The following HIVEP1 variants were observed in gnomAD, a reference collection of about 807,000 sequenced individuals.
HIVEP1 encodes zinc finger protein 40.
Under a neutral mutation model 180.0 loss-of-function variants are expected in HIVEP1, and 36 were observed. That is an observed-to-expected ratio of 0.20 (90% CI 0.15 to 0.26). The LOEUF (loss-of-function observed/expected upper bound fraction) is 0.26, where lower values mean the gene tolerates loss of function less well. Among genes scored for constraint, HIVEP1 ranks in the 10% least tolerant of loss-of-function variants. HIVEP1 has a pLI of 1.00. For synonymous variants in HIVEP1, 1,239 were observed against 1,239.0 expected (o/e 1.00, Z 0.00); for missense variants, 3,143 against 3,268.7 (o/e 0.96, Z 0.94).
At chr6:12,190,500 G>A in the HIVEP1 span, among the ~76,000 whole-genome samples, 3 of 152,104 alleles carry the variant, frequency 2.0e-5, no homozygotes, top group Non-Finnish European at 4.4e-5. Flanking sequence ...TGGAGCCTGT[G>A]CACTGCTTGC....
intron 3 of HIVEP1, among the ~76,000 whole-genome samples, chr6:12,091,504 G>A (rs1286451077): frequency 1.3e-5 from 2 of 151,940 alleles, no homozygotes; most frequent in South Asian, 2.1e-4. Flanking sequence ...ATCTAGCATA[G>A]TAGTAGGCTC....
intron 2 of HIVEP1, among the ~76,000 whole-genome samples, chr6:12,039,949 G>T (rs1291571424): frequency 2.0e-5 from 3 of 152,192 alleles, no homozygotes; most frequent in African/African-American, 7.2e-5. Flanking sequence ...TGGCCTGGCT[G>T]CCCTGCTGAG....
At chr6:12,192,907 C>T in the HIVEP1 span, among the ~76,000 whole-genome samples, 1 of 151,716 alleles carries the variant, frequency 6.6e-6, no homozygotes, top group Admixed American at 6.6e-5. Context: ...AATGTTAGTC[C>T]CACACAGTCA....
At chr6:12,011,275 C>CCCA (rs1554129477), upstream of HIVEP1, among the ~76,000 whole-genome samples, 13 of 119,196 alleles carry the variant, frequency 1.1e-4, no homozygotes, top group African/African-American at 1.3e-4. Flanking sequence ...TGGGGTCCCC[C>CCCA]CCCCCCCCCG....
At chr6:12,041,285 G>A (rs983263121) in intron 2 of HIVEP1, among the ~76,000 whole-genome samples, 1 of 151,954 alleles carries the variant, frequency 6.6e-6, no homozygotes, top group South Asian at 2.1e-4. Flanking sequence ...AGCCGGGCAT[G>A]GTGGTGGGCA....
the HIVEP1 span, among the ~76,000 whole-genome samples, chr6:12,177,364 C>G: frequency 6.6e-6 from 1 of 152,172 alleles, no homozygotes; most frequent in South Asian, 2.1e-4. Context: ...TTCATGGTAG[C>G]TACCAGCACA....
At chr6:12,147,313 T>C (rs914166412) in intron 7 of HIVEP1, among the ~76,000 whole-genome samples, 1 of 152,334 alleles carries the variant, frequency 6.6e-6, no homozygotes, top group East Asian at 1.9e-4. Flanking sequence ...TTAGATAGGA[T>C]TCTTGAGTAT....
the HIVEP1 span, among the ~76,000 whole-genome samples, chr6:12,210,878 G>A: frequency 2.1e-5 from 2 of 94,378 alleles, no homozygotes; most frequent in Non-Finnish European, 2.4e-5. Flanking sequence ...TCCTTCTGTG[G>A]TGTTAAAAAA....
chr6:12,176,699 A>G, the HIVEP1 span, among the ~76,000 whole-genome samples: 1 of 151,976 alleles, frequency 6.6e-6, no homozygotes, highest in South Asian at 2.1e-4. Flanking sequence ...TTTCTTTTAC[A>G]TTTGTTTAAG....
upstream of HIVEP1, among the ~76,000 whole-genome samples, chr6:12,009,114 T>TGGCGGCGGCGGCGGCGGC (rs1554129188): frequency 1.4e-5 from 2 of 143,820 alleles, no homozygotes; most frequent in East Asian, 2.4e-4. Flanking sequence ...GATCTCCGCG[T>TGGCGGCGGCGGCGGCGGC]GGCGGTGGCG....
At chr6:12,137,702 C>G (rs1478837714) in intron 7 of HIVEP1, among the ~76,000 whole-genome samples, 1 of 151,536 alleles carries the variant, frequency 6.6e-6, no homozygotes, top group Non-Finnish European at 1.5e-5. Context: ...GTGCTAGAGA[C>G]CTAACATTCT....
chr6:12,109,448 A>G (rs1774742402), intron 3 of HIVEP1, among the ~76,000 whole-genome samples: 1 of 152,224 alleles, frequency 6.6e-6, no homozygotes, highest in African/African-American at 2.4e-5. Flanking sequence ...TGCTTTATCA[A>G]TTGTGTTTAT....
chr6:12,184,190 A>T, the HIVEP1 span, among the ~76,000 whole-genome samples: 3 of 152,302 alleles, frequency 2.0e-5, no homozygotes, highest in South Asian at 6.2e-4. Context: ...TTCAAGAGAA[A>T]ATAGGCAGTG....
chr6:12,107,385 T>A (rs1774500214), intron 3 of HIVEP1, among the ~76,000 whole-genome samples: 1 of 152,232 alleles, frequency 6.6e-6, no homozygotes, highest in African/African-American at 2.4e-5. Context: ...CATAATCTTT[T>A]TGCTGGTAGA....
intron 2 of HIVEP1, among the ~76,000 whole-genome samples, chr6:12,041,073 C>G (rs71551282): frequency 6.6e-6 from 1 of 152,088 alleles, no homozygotes; most frequent in Non-Finnish European, 1.5e-5. Flanking sequence ...GTCTCTTTTT[C>G]TCCTCTGAGC....
chr6:12,113,137 T>C (rs925375991), intron 3 of HIVEP1, among the ~76,000 whole-genome samples: 11 of 150,656 alleles, frequency 7.3e-5, no homozygotes, highest in African/African-American at 2.7e-4. Flanking sequence ...TGTAAGTGAG[T>C]GTGGACTCCC....
the HIVEP1 span, among the ~76,000 whole-genome samples, chr6:12,192,530 C>A: frequency 6.6e-6 from 1 of 152,058 alleles, no homozygotes; most frequent in Non-Finnish European, 1.5e-5. Context: ...GTGATTGGAT[C>A]GTGGGGGCAG....
the HIVEP1 span, among the ~76,000 whole-genome samples, chr6:12,180,417 TATA>T: frequency 6.6e-6 from 1 of 152,250 alleles, no homozygotes. Context: ...TCTTTATTCT[TATA>T]AACTATAATT....
intron 3 of HIVEP1, among the ~76,000 whole-genome samples, chr6:12,091,580 G>A (rs1773478375): frequency 6.6e-6 from 1 of 152,056 alleles, no homozygotes; most frequent in East Asian, 1.9e-4. Flanking sequence ...ATAATTTAAG[G>A]AGGATTAAAT....
Sources: allele counts gnomAD v4.1 joint callset (sites outside exome capture counted in the v4.1 genomes callset), GRCh38; gene constraint gnomAD v4.1.1; transcripts MANE v1.5; gene names NCBI Gene and HGNC (gene_info 2026-07-23, HGNC 2026-07-21).